Variants in ZNF33B observed in about 807,000 individuals in gnomAD.
ZNF33B encodes the protein zinc finger protein 33B.
A neutral mutation model predicts 45.8 loss-of-function variants in ZNF33B; 29 were observed. The observed-to-expected ratio is 0.63, with a 90% confidence interval of 0.47 to 0.86. The LOEUF (loss-of-function observed/expected upper bound fraction) is 0.86. Among genes scored for constraint, ZNF33B ranks in the 40% least tolerant of loss-of-function variants. The pLI is 0.00. For synonymous variants in ZNF33B, 305 were observed against 307.8 expected, an observed-to-expected ratio of 0.99 and a Z score of 0.10; for missense variants, 831 against 909.9, an observed-to-expected ratio of 0.91 and a Z score of 1.12.
intron 2 of ZNF33B, among the ~76,000 whole-genome samples, chr10:42,636,570 C>G (rs1331443887): frequency 1.3e-5 from 2 of 152,160 alleles, no homozygotes; most frequent in Non-Finnish European, 2.9e-5. Context: ...ACTTGTAATC[C>G]CAACACTTTG....
intron 4 of ZNF33B, among the ~76,000 whole-genome samples, chr10:42,618,663 A>G (rs1369623421): frequency 1.3e-5 from 2 of 152,232 alleles, no homozygotes; most frequent in Non-Finnish European, 2.9e-5. Flanking sequence ...GTGTCTGGGT[A>G]TAAGTCTCTT....
downstream of ZNF33B, among the ~76,000 whole-genome samples, chr10:42,586,615 T>C (rs1310554412): frequency 3.9e-5 from 6 of 152,194 alleles, no homozygotes; most frequent in African/African-American, 9.6e-5. Context: ...CACATACACA[T>C]AGGCTGCATG....
chr10:42,595,620 G>A (rs375024237), intron 4 of ZNF33B, among the ~76,000 whole-genome samples: 3 of 152,242 alleles, frequency 2.0e-5, no homozygotes, highest in African/African-American at 4.8e-5. Context: ...GGTCATAAGG[G>A]TAAGACTAAT....
chr10:42,608,096 G>A (rs1308268126), intron 4 of ZNF33B, among the ~76,000 whole-genome samples: 6 of 151,978 alleles, frequency 3.9e-5, no homozygotes, highest in Non-Finnish European at 7.4e-5. Flanking sequence ...ATTTTACTAA[G>A]GATAAAGAGG....
At chr10:42,617,092 CTTTTTTTTTT>C (rs199977911) in intron 4 of ZNF33B, among the ~76,000 whole-genome samples, 652 of 61,244 alleles carry the variant, frequency 0.011, 14 homozygotes, top group African/African-American at 0.035. Context: ...CATTTTTTCT[CTTTTTTTTTT>C]TTTTTTTTTT....
chr10:42,637,069 T>C, intron 1 of ZNF33B, 97 bp from the exon 2 acceptor site: 1 of 1,168,692 alleles, frequency 8.6e-7, no homozygotes, highest in Non-Finnish European at 1.3e-6. Context: ...ACCCACTAGG[T>C]AAAATGCTCC....
chr10:42,594,969 GAAGAAT>G (rs1294080575), intron 4 of ZNF33B, among the ~76,000 whole-genome samples: 2 of 147,056 alleles, frequency 1.4e-5, no homozygotes, highest in African/African-American at 4.9e-5. Flanking sequence ...TCTAATGTAA[GAAGAAT>G]AATAGCAACT....
chr10:42,586,153 T>A (rs1836931916), downstream of ZNF33B, among the ~76,000 whole-genome samples: 1 of 144,908 alleles, frequency 6.9e-6, no homozygotes, highest in Non-Finnish European at 1.5e-5. Context: ...TCCTCAGATT[T>A]TTTTTTTTTT....
chr10:42,615,064 A>G (rs1430141813), intron 4 of ZNF33B, among the ~76,000 whole-genome samples: 1 of 152,226 alleles, frequency 6.6e-6, no homozygotes. Context: ...AATAACAATA[A>G]TATTAATAAA....
At chr10:42,600,457 C>A (rs1485698786) in intron 4 of ZNF33B, among the ~76,000 whole-genome samples, 1 of 152,184 alleles carries the variant, frequency 6.6e-6, no homozygotes, top group Non-Finnish European at 1.5e-5. Flanking sequence ...ATTCCTGGCT[C>A]TGAAAGCTAC....
rs557402354 is a variant in ZNF33B, at chr10:42,638,512, C to T, written c.-83G>A. ...CGGGTTGCATTCGCCATAAGAGAGC[C>T]GGTAGACCCCTGAAATCCCGGGACC... On this transcript the variant is annotated 5_prime_UTR_variant, in exon 1 of 5. Coordinates refer to ENST00000359467, the MANE Select transcript of ZNF33B (RefSeq NM_006955.3). 224 of 482,376 alleles carry T rather than the reference C, an allele frequency of 4.6e-4. 2 individuals are homozygous for T. The highest frequency in any genetic ancestry group is 6.2e-5 in the Non-Finnish European group (15 of 241,768). 29.9% of individuals were successfully genotyped at this position (482,376 alleles called of 1,614,324 possible). A position where few individuals can be genotyped will look rare whatever the true frequency, so the allele number is the denominator to read the frequency against.
At chr10:42,619,100 C>T (rs908692802) in intron 4 of ZNF33B, among the ~76,000 whole-genome samples, 33 of 151,414 alleles carry the variant, frequency 2.2e-4, no homozygotes, top group African/African-American at 8.0e-4. Flanking sequence ...GAGTACACAG[C>T]TCCCAACTGT....
intron 4 of ZNF33B, among the ~76,000 whole-genome samples, chr10:42,601,506 C>T (rs1345846235): frequency 4.9e-5 from 6 of 122,442 alleles, no homozygotes; most frequent in Admixed American, 1.9e-4. Flanking sequence ...GACACAGTCT[C>T]ACTGTCACCA....
intron 1 of ZNF33B, among the ~76,000 whole-genome samples, chr10:42,578,113 G>A (rs12765904): frequency 0.021 from 3,272 of 152,266 alleles, 80 homozygotes; most frequent in African/African-American, 0.062. Flanking sequence ...CCTCCGCTCA[G>A]GACTCATTGG....
chr10:42,619,349 A>G (rs576962587), intron 4 of ZNF33B, among the ~76,000 whole-genome samples: 2 of 152,210 alleles, frequency 1.3e-5, no homozygotes, highest in Non-Finnish European at 2.9e-5. Context: ...TGACATATAT[A>G]AATTCCTGAA....
At chr10:42,635,335 G>A (rs912920410) in intron 2 of ZNF33B, among the ~76,000 whole-genome samples, 4 of 152,104 alleles carry the variant, frequency 2.6e-5, no homozygotes, top group Non-Finnish European at 5.9e-5. Context: ...TGAAGCCACA[G>A]ATTAAATGTA....
At position 42,598,939 on chromosome 10, in the gene ZNF33B, C is replaced by T. The variant is rs148270142; in HGVS notation, c.251-4240G>A. On this transcript the variant is annotated intron_variant, in intron 4 of 4. Coordinates refer to ENST00000359467, the MANE Select transcript of ZNF33B (RefSeq NM_006955.3). ...GAAGTATTCCCTCTTCTTGAATTTTCTGGAAAAGTCTTTATAAATTGGTAC... is the reference window on the plus strand; with the variant it reads ...GAAGTATTCCCTCTTCTTGAATTTTTTGGAAAAGTCTTTATAAATTGGTAC... 4.5e-3 allele frequency among the ~76,000 whole-genome samples: 682 copies of T among 152,004 alleles called. 6 individuals are homozygous for T. Among genetic ancestry groups the T allele is most frequent in the Admixed American group, 0.011 (169 of 15,188 alleles).
chr10:42,590,697 CTAAGT>C lies in ZNF33B; in HGVS notation c.*1911_*1915del, dbSNP rs1449844857. The C allele has an allele frequency of 6.6e-6, 1 of 152,180 alleles. No homozygotes were observed. Among genetic ancestry groups the C allele is most frequent in the African/African-American group, 2.4e-5 (1 of 41,440 alleles). The allele number at this position is 152,180 out of a possible 1,614,324, so 9.4% of individuals were successfully genotyped here. On this transcript the variant is annotated 3_prime_UTR_variant, in exon 5 of 5. Coordinates refer to ENST00000359467, the MANE Select transcript of ZNF33B (RefSeq NM_006955.3). ...CTTGCAAGGAATTGATCCATTTTAG[CTAAGT>C]TATCAAATTTATGGACAGAGTTGTC...
At chr10:42,578,777 A>C (rs1250921069) in intron 1 of ZNF33B, 1 of 152,288 alleles carries the variant, frequency 6.6e-6, no homozygotes. Flanking sequence ...ATGTGAATGA[A>C]GCACAGTGAC....
Sources: allele counts gnomAD v4.1 joint callset (sites outside exome capture counted in the v4.1 genomes callset), GRCh38; gene constraint gnomAD v4.1.1; transcripts MANE v1.5; gene names NCBI Gene and HGNC (gene_info 2026-07-23, HGNC 2026-07-21).